The following DCC variants were observed in gnomAD, a reference collection of about 807,000 sequenced individuals.
DCC encodes the protein netrin receptor DCC.
A neutral mutation model predicts 172.5 loss-of-function variants in DCC; 58 were observed. That is an observed-to-expected ratio of 0.34 (90% CI 0.27 to 0.42). The LOEUF is 0.42. Among genes scored for constraint, DCC ranks in the 10% least tolerant of loss-of-function variants. The pLI, the probability that DCC is intolerant of heterozygous loss-of-function variation, is 1.00. For synonymous variants in DCC, 709 were observed against 644.5 expected, an observed-to-expected ratio of 1.10 and a Z score of -1.52; for missense variants, 1,740 against 1,791.0, an observed-to-expected ratio of 0.97 and a Z score of 0.51.
intron 5 of DCC, among the ~76,000 whole-genome samples, chr18:53,057,079 T>TAAAAAAAAAAAAAAAAAAAAAAA (rs11316527): frequency 2.2e-5 from 2 of 89,328 alleles, no homozygotes; most frequent in Non-Finnish European, 4.3e-5. Context: ...CTTCTAAAAG[T>TAAAAAAAAAAAAAAAAAAAAAAA]AAAAAAAAAA....
chr18:53,225,004 A>G (rs1182276216), intron 12 of DCC, among the ~76,000 whole-genome samples: 1 of 152,156 alleles, frequency 6.6e-6, no homozygotes, highest in Non-Finnish European at 1.5e-5. Flanking sequence ...AATACTTAAC[A>G]TTTAGAGATT....
chr18:52,709,363 G>A (rs545877950), intron 1 of DCC, among the ~76,000 whole-genome samples: 10 of 152,190 alleles, frequency 6.6e-5, no homozygotes, highest in Middle Eastern at 3.4e-3. Context: ...TTTTGAAAAC[G>A]TTATATTAAA....
chr18:53,301,887 G>A (rs1020359726), intron 12 of DCC, among the ~76,000 whole-genome samples: 2 of 152,014 alleles, frequency 1.3e-5, no homozygotes, highest in Non-Finnish European at 2.9e-5. Flanking sequence ...TGAATATACT[G>A]GTATTCTAGG....
At chr18:52,822,111 C>T (rs1181153503) in intron 2 of DCC, among the ~76,000 whole-genome samples, 10 of 152,176 alleles carry the variant, frequency 6.6e-5, no homozygotes, top group Admixed American at 6.5e-4. Context: ...TGAACTCTCT[C>T]CAGTTGACTT....
chr18:52,908,827 G>T (rs1168784614), intron 3 of DCC, among the ~76,000 whole-genome samples: 1 of 152,170 alleles, frequency 6.6e-6, no homozygotes, highest in East Asian at 1.9e-4. Flanking sequence ...CACATCAAAT[G>T]AGGGTTTTTA....
intron 5 of DCC, among the ~76,000 whole-genome samples, chr18:52,963,535 A>G (rs2040880079): frequency 6.6e-6 from 1 of 152,130 alleles, no homozygotes; most frequent in Non-Finnish European, 1.5e-5. Context: ...TGAAGTGGTC[A>G]GGTCTGGGGC....
intron 2 of DCC, among the ~76,000 whole-genome samples, chr18:52,889,247 C>T (rs1251559515): frequency 6.6e-6 from 1 of 151,984 alleles, no homozygotes; most frequent in Admixed American, 6.6e-5. Flanking sequence ...CAGTAAGGCC[C>T]TTTCTAGCTT....
At chr18:52,667,413 C>G (rs1044690553) in intron 1 of DCC, among the ~76,000 whole-genome samples, 1 of 152,206 alleles carries the variant, frequency 6.6e-6, no homozygotes, top group African/African-American at 2.4e-5. Flanking sequence ...GACACGAGTT[C>G]TATTTTATTT....
intron 2 of DCC, among the ~76,000 whole-genome samples, chr18:52,827,768 G>T (rs1276910561): frequency 6.6e-6 from 1 of 152,096 alleles, no homozygotes; most frequent in Non-Finnish European, 1.5e-5. Flanking sequence ...TATGTGACTT[G>T]ATTTTAAAAT....
At chr18:53,242,657 C>A (rs1387681226) in intron 12 of DCC, among the ~76,000 whole-genome samples, 4 of 152,120 alleles carry the variant, frequency 2.6e-5, no homozygotes, top group East Asian at 3.9e-4. Flanking sequence ...TAATAGGATA[C>A]CACTGTCAAT....
intron 1 of DCC, among the ~76,000 whole-genome samples, chr18:52,727,649 G>A (rs1172832221): frequency 6.6e-6 from 1 of 151,908 alleles, no homozygotes; most frequent in Non-Finnish European, 1.5e-5. Flanking sequence ...TCTTTATGTT[G>A]AAATTGCAAA....
intron 2 of DCC, among the ~76,000 whole-genome samples, chr18:52,856,928 C>A (rs1158333339): frequency 6.6e-6 from 1 of 152,114 alleles, no homozygotes; most frequent in Non-Finnish European, 1.5e-5. Context: ...ATATGAAATT[C>A]CAGTGCTCCT....
At chr18:52,613,571 A>T (rs2034317098) in intron 1 of DCC, among the ~76,000 whole-genome samples, 1 of 151,992 alleles carries the variant, frequency 6.6e-6, no homozygotes, top group African/African-American at 2.4e-5. Flanking sequence ...GTTTTATTTT[A>T]TGCTTAGGAA....
intron 7 of DCC, among the ~76,000 whole-genome samples, chr18:53,141,753 CCT>C (rs1412108293): frequency 6.6e-6 from 1 of 151,772 alleles, no homozygotes; most frequent in Non-Finnish European, 1.5e-5. Context: ...TCACTTCTTG[CCT>C]CTCTCCTCTC....
chr18:52,468,716 A>G (rs1988859528), intron 1 of DCC, among the ~76,000 whole-genome samples: 1 of 152,228 alleles, frequency 6.6e-6, no homozygotes, highest in African/African-American at 2.4e-5. Context: ...TTATCCTCAG[A>G]GGACGAATAA....
chr18:52,438,660 A>G (rs1383730370), intron 1 of DCC, among the ~76,000 whole-genome samples: 1 of 152,214 alleles, frequency 6.6e-6, no homozygotes, highest in African/African-American at 2.4e-5. Flanking sequence ...AAATTAAAAT[A>G]CTTTTTTCAC....
chr18:52,814,741 C>T (rs1040256121), intron 2 of DCC, among the ~76,000 whole-genome samples: 4 of 152,050 alleles, frequency 2.6e-5, no homozygotes, highest in South Asian at 2.1e-4. Flanking sequence ...CTTTCTTAAA[C>T]TCAGTTATGA....
chr18:52,461,464 C>T (rs774457971), intron 1 of DCC, among the ~76,000 whole-genome samples: 2 of 152,100 alleles, frequency 1.3e-5, no homozygotes, highest in African/African-American at 2.4e-5. Context: ...GTAATGCAGT[C>T]GTTTATTATC....
intron 2 of DCC, among the ~76,000 whole-genome samples, chr18:52,825,997 T>C (rs900511544): frequency 6.6e-6 from 1 of 152,196 alleles, no homozygotes; most frequent in African/African-American, 2.4e-5. Context: ...TTCAAATAAC[T>C]CTTTCTCCCA....
Sources: gnomAD v4.1 joint callset for allele counts (sites outside exome capture counted in the v4.1 genomes callset) on GRCh38, gnomAD v4.1.1 for gene constraint, MANE v1.5 for transcripts, NCBI Gene and HGNC (gene_info 2026-07-23, HGNC 2026-07-21) for gene names.